The following COL6A3 variants were observed in gnomAD, a reference collection of about 807,000 sequenced individuals.
The protein encoded by COL6A3 is collagen alpha-3(VI) chain.
In COL6A3, 137 loss-of-function variants were observed where a neutral mutation model predicts 274.1. The observed-to-expected ratio is 0.50, with a 90% CI of 0.44 to 0.58. COL6A3 has a LOEUF of 0.58. COL6A3 is among the 20% of genes least tolerant of loss of function. The probability of loss-of-function intolerance (pLI) is 0.00; values close to 1 mark genes in which losing one functional copy is unlikely to be tolerated. For synonymous variants in COL6A3, 1,650 were observed against 1,650.6 expected (o/e 1.00, Z 0.01); for missense variants, 3,950 against 4,124.9 (o/e 0.96, Z 1.16).
At chr2:237,357,069 G>T in intron 23 of COL6A3, 1 of 563,304 alleles carries the variant, frequency 1.8e-6, no homozygotes, top group Non-Finnish European at 3.2e-6. Flanking sequence ...GATCAAACCT[G>T]GCCCGATATT....
At chr2:237,327,701 C>T (rs1009290576) in intron 42 of COL6A3, 6 of 152,138 alleles carry the variant, frequency 3.9e-5, no homozygotes, top group African/African-American at 1.4e-4. Flanking sequence ...ACTTCTGAAG[C>T]ATGAAAACGG....
intron 1 of COL6A3, among the ~76,000 whole-genome samples, chr2:237,410,737 G>T (rs2078836860): frequency 6.6e-6 from 1 of 152,100 alleles, no homozygotes; most frequent in South Asian, 2.1e-4. Context: ...AATACTCCCT[G>T]GAAATAAGAC....
Position 237,325,695 on chromosome 2 carries a change from T to G in COL6A3, c.9358A>C (p.Thr3120Pro), listed in dbSNP as rs141050617. Residue 3120 changes from threonine to proline, a missense_variant, in exon 43 of 44, where the codon ACT (threonine) becomes CCT (proline). Coordinates refer to ENST00000295550, the MANE Select transcript of COL6A3 (RefSeq NM_004369.4). Reference sequence around the variant, plus strand: ...CATTTTAATATGAAATCCCTGCAAGTTCCTTCGTCTTTCGGCAACTTGCAT... The same window carrying G: ...CATTTTAATATGAAATCCCTGCAAGGTCCTTCGTCTTTCGGCAACTTGCAT... ...DICKLPKDEG[T>P]CRDFILKWYY... is the part of the protein sequence containing the mutation. 127 of 1,613,916 alleles carry G rather than the reference T, an allele frequency of 7.9e-5. No individual in the cohort carries two copies. The highest frequency in any genetic ancestry group is 1.1e-4 in the Non-Finnish European group (126 of 1,179,992).
At chr2:237,360,553 C>T (rs2077413720) in intron 16 of COL6A3, among the ~76,000 whole-genome samples, 1 of 152,166 alleles carries the variant, frequency 6.6e-6, no homozygotes, top group African/African-American at 2.4e-5. Flanking sequence ...CTGGTGACCA[C>T]ACTGTTCCTC....
At chr2:237,367,838 G>C (rs1370350966) in intron 10 of COL6A3, among the ~76,000 whole-genome samples, 1 of 152,116 alleles carries the variant, frequency 6.6e-6, no homozygotes, top group African/African-American at 2.4e-5. Context: ...TGGTGTGGAG[G>C]GTAATTTCTT....
In COL6A3 at chr2:237,346,557, C is replaced by T. The variant is rs773164702; in HGVS notation, c.7038G>A (p.Ser2346=). 11 of 1,613,658 alleles carry T rather than the reference C, an allele frequency of 6.8e-6. No homozygotes were observed. Among genetic ancestry groups the T allele is most frequent in the Admixed American group, 3.3e-5 (2 of 60,020 alleles). Residue 2346 remains serine, a synonymous_variant, in exon 32 of 44, where the codon TCG becomes TCA. Transcript: ENST00000295550. ...PKGIRGRRGN[S]GPPGIVGQKG... ...TCTGTCCAACTATCCCTGGAGGTCC[C>T]GAATTTCCCTAGAGGGAGCAGAACA...
At chr2:237,382,092 C>A (rs1169369077) in intron 4 of COL6A3, among the ~76,000 whole-genome samples, 1 of 152,154 alleles carries the variant, frequency 6.6e-6, no homozygotes, top group East Asian at 1.9e-4. Context: ...CTTAAGAGAC[C>A]TGCGTTTTGG....
intron 27 of COL6A3, 55 bp downstream of exon 27, chr2:237,351,075 T>C (rs2077196463): frequency 6.5e-7 from 1 of 1,535,508 alleles, no homozygotes. Flanking sequence ...GAGAGGGGCA[T>C]GTGTGCCTGG....
chr2:237,350,654 C>G (rs977323583), intron 27 of COL6A3, among the ~76,000 whole-genome samples: 1 of 152,242 alleles, frequency 6.6e-6, no homozygotes, highest in Non-Finnish European at 1.5e-5. Flanking sequence ...AGCCTTCATA[C>G]AGCAGACTTG....
chr2:237,352,387 G>A, intron 26 of COL6A3, 135 bp downstream of exon 26: 2 of 862,980 alleles, frequency 2.3e-6, no homozygotes, highest in Non-Finnish European at 1.9e-6. Context: ...GGTTAAATCT[G>A]GGGTTTTTGT....
chr2:237,405,590 C>G (rs1249202674), intron 1 of COL6A3, among the ~76,000 whole-genome samples: 1 of 152,060 alleles, frequency 6.6e-6, no homozygotes, highest in Non-Finnish European at 1.5e-5. Context: ...CTCCTCCCAA[C>G]CATCCGATGG....
At chr2:237,349,404 C>T (rs2077159937) in intron 28 of COL6A3, among the ~76,000 whole-genome samples, 2 of 152,212 alleles carry the variant, frequency 1.3e-5, no homozygotes, top group South Asian at 4.1e-4. Flanking sequence ...GGTTTGAAGT[C>T]TGATTTTTTC....
chr2:237,349,792 CA>C (rs1471188370), intron 28 of COL6A3, among the ~76,000 whole-genome samples: 2 of 152,176 alleles, frequency 1.3e-5, no homozygotes, highest in Non-Finnish European at 2.9e-5. Flanking sequence ...CATTTTAACC[CA>C]AATGACATTT....
chr2:237,334,505 T>C, intron 41 of COL6A3, 121 bp downstream of exon 41: 2 of 1,095,714 alleles, frequency 1.8e-6, no homozygotes, highest in Non-Finnish European at 1.4e-6. Flanking sequence ...GTTGTTGCTG[T>C]TGTTGTTTTT....
In COL6A3 at chr2:237,361,035, C is replaced by A. The variant is rs990358114; in HGVS notation, c.6210+86G>T. The stretch of plus-strand genomic sequence containing the variant: ...AAAGGGAAAGCCATCAGCAACTGAA[C>A]AAATGATGAAATCCACAATGCAATC... On this transcript the variant is annotated intron_variant, in intron 16 of 43. Coordinates refer to ENST00000295550, the MANE Select transcript of COL6A3 (RefSeq NM_004369.4). The surrounding 1 kb of genome is among the most constrained non-coding windows in gnomAD (Gnocchi z 5.1). The A allele has an allele frequency of 5.2e-5, 60 of 1,152,222 alleles. No individual in the cohort carries two copies. Among genetic ancestry groups the A allele is most frequent in the Non-Finnish European group, 1.6e-5 (12 of 759,708 alleles). 71.4% of individuals were successfully genotyped at this position (1,152,222 alleles called of 1,614,324 possible).
At position 237,341,029 on chromosome 2, in the gene COL6A3, G is replaced by A; in HGVS notation, c.7887C>T (p.Thr2629=). 1.2e-6 allele frequency: 2 copies of A among 1,614,136 alleles called. No individual in the cohort carries two copies. Among genetic ancestry groups the A allele is most frequent in the South Asian group, 1.1e-5 (1 of 91,074 alleles). Residue 2629 remains threonine (T), a synonymous_variant, in exon 38 of 44, where the codon ACC becomes ACT. Transcript: ENST00000295550. The part of the protein sequence containing the change: ...DMAFILDSAE[T]TTLFQFNEMK... ...TCTCATTGAACTGGAACAGGGTGGT[G>A]GTCTCAGCGCTGTCTAAGATGAAAG...
chr2:237,408,241 C>T (rs779157397), intron 1 of COL6A3, among the ~76,000 whole-genome samples: 11 of 152,230 alleles, frequency 7.2e-5, no homozygotes, highest in Non-Finnish European at 1.6e-4. Flanking sequence ...AATTCTACTT[C>T]CTTACTGCCT....
chr2:237,398,679 G>A (rs1044975731), intron 1 of COL6A3, among the ~76,000 whole-genome samples: 3 of 152,168 alleles, frequency 2.0e-5, no homozygotes, highest in African/African-American at 4.8e-5. Context: ...TGCTATCTTG[G>A]AATTCTTAAA....
intron 30 of COL6A3, 47 bp downstream of exon 30, chr2:237,348,302 G>A: frequency 6.6e-7 from 1 of 1,514,528 alleles, no homozygotes; most frequent in Admixed American, 1.7e-5. Context: ...ACATACCAGA[G>A]CCATCCCAAA....
Sources: allele counts gnomAD v4.1 joint callset (sites outside exome capture counted in the v4.1 genomes callset), GRCh38; gene constraint gnomAD v4.1.1; non-coding constraint Gnocchi (gnomAD v3.1); transcripts MANE v1.5; gene names NCBI Gene and HGNC (gene_info 2026-07-23, HGNC 2026-07-21).